The following PRSS21 variants were observed in gnomAD, a reference collection of about 807,000 sequenced individuals.
The protein encoded by PRSS21 is testisin.
In PRSS21, 40 loss-of-function variants were observed where a neutral mutation model predicts 31.1. That is an observed-to-expected ratio of 1.29 (90% CI 1.00 to 1.68). PRSS21 has a LOEUF of 1.68. PRSS21 is among the 40% of genes most tolerant of loss of function. PRSS21 has a pLI of 0.00. For synonymous variants in PRSS21, 186 were observed against 167.7 expected (o/e 1.11, Z -0.84); for missense variants, 467 against 412.6 (o/e 1.13, Z -1.14).
At chr16:2,820,820 G>T in intron 4 of PRSS21, 135 bp from the exon 5 acceptor site, 1 of 877,284 alleles carries the variant, frequency 1.1e-6, no homozygotes, top group Admixed American at 2.2e-5. Context: ...GGTCTGGGTT[G>T]GAGCTGGGGG....
At chr16:2,820,222 G>A (rs1207088848) in intron 4 of PRSS21, among the ~76,000 whole-genome samples, 1 of 152,248 alleles carries the variant, frequency 6.6e-6, no homozygotes, top group Non-Finnish European at 1.5e-5. Context: ...ATAGGGGAAT[G>A]ATGGTGCCAC....
Position 2,817,772 on chromosome 16 carries a change from C to T in PRSS21, c.92-29C>T, listed in dbSNP as rs2150807232. 6.5e-7 allele frequency: 1 copy of T among 1,541,380 alleles called. No individual in the cohort carries two copies. The highest frequency in any genetic ancestry group is 8.8e-7 in the Non-Finnish European group (1 of 1,141,820). ...GTCGGGCTTGGGGGGCTGCCTCCCGCGGCTCAGCAGTTCCTCTGACCATCC... is the reference window on the plus strand; with the variant it reads ...GTCGGGCTTGGGGGGCTGCCTCCCGTGGCTCAGCAGTTCCTCTGACCATCC... On this transcript the variant is annotated intron_variant, in intron 2 of 5. Transcript: ENST00000005995. This position sits in a 1 kb window ranked among gnomAD's most constrained non-coding sequence, Gnocchi z 4.2.
intron 4 of PRSS21, among the ~76,000 whole-genome samples, chr16:2,819,719 C>T (rs752157604): frequency 6.6e-6 from 1 of 152,242 alleles, no homozygotes; most frequent in Non-Finnish European, 1.5e-5. Context: ...CGCGGCCTCT[C>T]CTCCTGCTGG....
In PRSS21 at chr16:2,818,849, T is replaced by A; in HGVS notation, c.430T>A (p.Ser144Thr). Residue 144 changes from serine to threonine, a missense_variant, in exon 4 of 6, where the codon TCT becomes ACT. Ser to Thr is a moderately conservative substitution (Grantham distance 58, BLOSUM62 1). Transcript: ENST00000005995. ...CTATGACATTGCCTTGGTGAAGCTGTCTGCACCTGTCACCTACACTAAACA... is the reference window on the plus strand; with the variant it reads ...CTATGACATTGCCTTGGTGAAGCTGACTGCACCTGTCACCTACACTAAACA... ...SPYDIALVKL[S>T]APVTYTKHIQ... 1 of 1,613,880 alleles carries A rather than the reference T, an allele frequency of 6.2e-7. No homozygotes were observed. Among genetic ancestry groups the A allele is most frequent in the Middle Eastern group, 1.6e-4 (1 of 6,062 alleles).
At chr16:2,819,478 C>T (rs1326620266) in intron 4 of PRSS21, among the ~76,000 whole-genome samples, 3 of 152,224 alleles carry the variant, frequency 2.0e-5, no homozygotes, top group Non-Finnish European at 4.4e-5. Context: ...CTGGCACCTG[C>T]GTGTCCCCCA....
rs1187123552 is a variant in PRSS21 at position 2,817,423 on chromosome 16, C to T, written c.65-7C>T. 4.4e-6 allele frequency: 7 copies of T among 1,596,836 alleles called. No homozygotes were observed. Among genetic ancestry groups the T allele is most frequent in the Non-Finnish European group, 5.9e-6 (7 of 1,176,526 alleles). ...GGCCGCGGGGAGTCACTTCTTGTCT[C>T]CCGCAGAGTCGCAGGAGGCGGCGCC... is the stretch of plus-strand genomic sequence containing the variant. On this transcript the variant is annotated splice_polypyrimidine_tract_variant and splice_region_variant and intron_variant, in intron 1 of 5. Transcript: ENST00000005995. This position sits in a 1 kb window ranked among gnomAD's most constrained non-coding sequence, Gnocchi z 4.2.
chr16:2,819,998 G>A (rs144147412), intron 4 of PRSS21, among the ~76,000 whole-genome samples: 258 of 152,228 alleles, frequency 1.7e-3, no homozygotes, highest in African/African-American at 6.1e-3. Flanking sequence ...CCAGGGGCAC[G>A]GCCAGGCTGC....
In PRSS21 at chr16:2,817,312, G is replaced by A. The variant is rs774183088; in HGVS notation, c.44G>A (p.Arg15Gln). The A allele has an allele frequency of 3.9e-6, 6 of 1,544,538 alleles. No individual in the cohort carries two copies. The African/African-American group carries it at 5.5e-5, about 14-fold the overall frequency. Residue 15 changes from arginine (R) to glutamine (Q), a missense_variant, in exon 1 of 6, where the codon CGG becomes CAG. Transcript: ENST00000005995. The surrounding 1 kb of genome is among the most constrained non-coding windows in gnomAD (Gnocchi z 4.2). The part of the protein sequence containing the change: ...GALLLALLLA[R>Q]AGLRKPESQE... ...CTGCTGCTGGCGCTGCTGCTGGCTC[G>A]GGCTGGACTCAGGAAGCCGGGTGAG...
intron 4 of PRSS21, 26 bp downstream of exon 4, chr16:2,818,995 G>A (rs1357534300): frequency 6.2e-7 from 1 of 1,609,546 alleles, no homozygotes; most frequent in Non-Finnish European, 8.5e-7. Flanking sequence ...GGCGGGTCAG[G>A]GAGGAACTGT....
At chr16:2,819,482 T>G (rs2150810355) in intron 4 of PRSS21, among the ~76,000 whole-genome samples, 1 of 152,220 alleles carries the variant, frequency 6.6e-6, no homozygotes, top group East Asian at 1.9e-4. Context: ...CACCTGCGTG[T>G]CCCCCAACAC....
chr16:2,821,519 C>A lies in PRSS21; in HGVS notation c.859C>A (p.Gln287Lys). ...HFEWIQKLMA[Q>K]SGMSQPDPSW... ...TGAGTGGATCCAGAAGCTGATGGCC[C>A]AGAGTGGCATGTCCCAGCCAGACCC... The change falls in exon 6 of 6, where the codon CAG (glutamine) becomes AAG (lysine). Residue 287 changes from glutamine to lysine, a missense_variant. Coordinates refer to ENST00000005995, the MANE Select transcript of PRSS21 (RefSeq NM_006799.4). 6.2e-7 allele frequency: 1 copy of A among 1,614,220 alleles called. No homozygotes were observed. Among genetic ancestry groups the A allele is most frequent in the Non-Finnish European group, 8.5e-7 (1 of 1,180,038 alleles).
intron 4 of PRSS21, among the ~76,000 whole-genome samples, chr16:2,820,306 A>G (rs1323418107): frequency 6.6e-6 from 1 of 152,218 alleles, no homozygotes; most frequent in Non-Finnish European, 1.5e-5. Context: ...CGCTGCCTGC[A>G]GGTTGGGTCT....
chr16:2,821,172 A>G, intron 5 of PRSS21, 63 bp downstream of exon 5: 3 of 1,597,100 alleles, frequency 1.9e-6, no homozygotes, highest in South Asian at 1.1e-5. Context: ...GCCTTATTTG[A>G]CCCTCATGCC....
chr16:2,821,133 C>G (rs748452254), intron 5 of PRSS21, 24 bp downstream of exon 5: 5 of 1,612,944 alleles, frequency 3.1e-6, no homozygotes, highest in Non-Finnish European at 4.2e-6. Context: ...CCACCACTCC[C>G]AGCCCAGGAA....
intron 4 of PRSS21, 110 bp from the exon 5 acceptor site, chr16:2,820,845 C>G (rs1036734328): frequency 1.7e-6 from 2 of 1,156,722 alleles, no homozygotes; most frequent in Non-Finnish European, 2.5e-6. Flanking sequence ...GGAGATGAAC[C>G]TGCCAGGCAC....
rs1365445895 is a variant in PRSS21, at chr16:2,818,840, G to T, written c.421G>T (p.Val141Leu). Residue 141 changes from valine to leucine, a missense_variant, in exon 4 of 6, where the codon GTG becomes TTG. Transcript: ENST00000005995. ...LGNSPYDIAL[V>L]KLSAPVTYTK... The stretch of plus-strand genomic sequence containing the variant: ...GAATTCACCCTATGACATTGCCTTG[G>T]TGAAGCTGTCTGCACCTGTCACCTA... The T allele has an allele frequency of 6.2e-7, 1 of 1,614,036 alleles. No individual in the cohort carries two copies. Among genetic ancestry groups the T allele is most frequent in the Admixed American group, 1.7e-5 (1 of 60,026 alleles).
rs1156536159 is a variant in PRSS21 at position 2,817,443 on chromosome 16, G to A, written c.78G>A (p.Ala26=). 1 of 1,595,306 alleles carries A rather than the reference G, an allele frequency of 6.3e-7. No homozygotes were observed. The highest frequency in any genetic ancestry group is 1.1e-5 in the South Asian group (1 of 90,332). The change falls in exon 2 of 6, where the codon GCG becomes GCA. Residue 26 remains alanine (A), a synonymous_variant. Coordinates refer to ENST00000005995, the MANE Select transcript of PRSS21 (RefSeq NM_006799.4). The surrounding 1 kb of genome is among the most constrained non-coding windows in gnomAD (Gnocchi z 4.2). ...AGLRKPESQE[A]APLSGPCGRR... ...TGTCTCCCGCAGAGTCGCAGGAGGC[G>A]GCGCCGTTATCAGGTAGGGCGCCCA...
intron 4 of PRSS21, among the ~76,000 whole-genome samples, chr16:2,820,447 C>A (rs763678255): frequency 6.6e-6 from 1 of 152,168 alleles, no homozygotes; most frequent in Non-Finnish European, 1.5e-5. Flanking sequence ...GGGGCAATAT[C>A]CCCCTGACTC....
intron 4 of PRSS21, among the ~76,000 whole-genome samples, chr16:2,820,709 T>C (rs554659705): frequency 6.6e-6 from 1 of 152,306 alleles, no homozygotes; most frequent in East Asian, 1.9e-4. Flanking sequence ...AGGGCCATTG[T>C]TGCCATTCTA....
Sources: allele counts gnomAD v4.1 joint callset (sites outside exome capture counted in the v4.1 genomes callset), GRCh38; gene constraint gnomAD v4.1.1; non-coding constraint Gnocchi (gnomAD v3.1); transcripts MANE v1.5; gene names NCBI Gene and HGNC (gene_info 2026-07-23, HGNC 2026-07-21).